Variants in SELENON observed in about 807,000 individuals in gnomAD.
SELENON encodes selenoprotein N, 1.
A neutral mutation model predicts 59.5 loss-of-function variants in SELENON; 44 were observed. The observed-to-expected ratio is 0.74, with a 90% CI of 0.58 to 0.95. The LOEUF is 0.95. Ranked by LOEUF, SELENON falls within the 40% of genes least tolerant of loss-of-function variation. The probability of loss-of-function intolerance (pLI) is 0.00; values close to 1 mark genes in which losing one functional copy is unlikely to be tolerated. For synonymous variants in SELENON, 320 were observed against 305.6 expected, an observed-to-expected ratio of 1.05 and a Z score of -0.49; for missense variants, 674 against 721.4, an observed-to-expected ratio of 0.93 and a Z score of 0.75.
intron 9 of SELENON, among the ~76,000 whole-genome samples, chr1:25,812,254 G>A (rs1344510359): frequency 6.6e-6 from 1 of 152,116 alleles, no homozygotes; most frequent in Non-Finnish European, 1.5e-5. Flanking sequence ...GGCTGAGGCA[G>A]GAGGACTGTT....
intron 4 of SELENON, 104 bp from the exon 4 acceptor site, chr1:25,808,476 G>C: frequency 7.4e-7 from 1 of 1,350,662 alleles, no homozygotes; most frequent in Non-Finnish European, 1.1e-6. Context: ...TGCTCCCTTG[G>C]TGTGGGCTGG....
Position 25,807,163 on chromosome 1 carries a change from G to A in SELENON, c.538-1417G>A, listed in dbSNP as rs1289657808. On this transcript the variant is annotated intron_variant, in intron 4 of 12. Coordinates refer to ENST00000361547, the MANE Select transcript of SELENON (RefSeq NM_020451.3). This position sits in a 1 kb window ranked among gnomAD's most constrained non-coding sequence, Gnocchi z 4.5. Reference sequence around the variant, plus strand: ...CGGGAGCCCCTTTCTTAACCTCATCGCTGCAGGTTCAGGGAGGGACAGAAA... The same window carrying A: ...CGGGAGCCCCTTTCTTAACCTCATCACTGCAGGTTCAGGGAGGGACAGAAA... Among the ~76,000 whole-genome samples, 2 of 152,060 alleles carry A rather than the reference G, an allele frequency of 1.3e-5. No individual in the cohort carries two copies. The highest frequency in any genetic ancestry group is 2.1e-4 in the South Asian group (1 of 4,828).
intron 9 of SELENON, 78 bp from the exon 9 acceptor site, chr1:25,812,601 ACACACTTG>A (rs1442275580): frequency 3.5e-6 from 3 of 847,488 alleles, no homozygotes; most frequent in Non-Finnish European, 3.8e-6. Context: ...ACACACACAC[ACACACTTG>A]CACACACTAC....
intron 3 of SELENON, among the ~76,000 whole-genome samples, chr1:25,803,711 T>TTG (rs1452759759): frequency 7.4e-5 from 11 of 149,354 alleles, no homozygotes. Flanking sequence ...TTTTTTTGTT[T>TTG]TTTTGTTTTT....
chr1:25,810,038 C>T (rs2047945310), intron 7 of SELENON, among the ~76,000 whole-genome samples: 1 of 152,138 alleles, frequency 6.6e-6, no homozygotes, highest in Non-Finnish European at 1.5e-5. Flanking sequence ...GGCCCTCCAC[C>T]TCTGTGCCTG....
chr1:25,800,759 A>G (rs1275340834), intron 1 of SELENON, among the ~76,000 whole-genome samples: 1 of 151,726 alleles, frequency 6.6e-6, no homozygotes, highest in African/African-American at 2.4e-5. Context: ...GAGAGGACAG[A>G]AGGTGCAGGA....
chr1:25,804,541 G>C (rs2047886460), intron 3 of SELENON, among the ~76,000 whole-genome samples: 1 of 151,008 alleles, frequency 6.6e-6, no homozygotes, highest in Admixed American at 6.6e-5. Flanking sequence ...ATACTGGGAA[G>C]GTTATAGACT....
chr1:25,808,959 C>A, intron 5 of SELENON, 67 bp from the exon 5 acceptor site: 6 of 1,610,994 alleles, frequency 3.7e-6, no homozygotes, highest in Non-Finnish European at 5.1e-6. Context: ...CTGGGCTGAC[C>A]CCCACCCCAG....
chr1:25,815,636 C>A lies in SELENON; in HGVS notation c.1691C>A (p.Thr564Asn), dbSNP rs1418349436. 6.2e-7 allele frequency: 1 copy of A among 1,614,080 alleles called. No homozygotes were observed. Among genetic ancestry groups the A allele is most frequent in the Non-Finnish European group, 8.5e-7 (1 of 1,180,036 alleles). The change falls in exon 13 of 13, where the codon ACC becomes AAC. Residue 564 changes from threonine (T) to asparagine (N), a missense_variant. By Grantham distance (65) the Thr-to-Asn change is moderately conservative. Transcript: ENST00000361547. Reference sequence around the variant, plus strand: ...AGCAATCTCTTCAGCTTCTCATCCACCTTTGAAGACCCGTCCACGGCCACC... The same window carrying A: ...AGCAATCTCTTCAGCTTCTCATCCAACTTTGAAGACCCGTCCACGGCCACC...
intron 4 of SELENON, among the ~76,000 whole-genome samples, chr1:25,806,979 A>G (rs930765469): frequency 1.3e-5 from 2 of 151,882 alleles, no homozygotes; most frequent in African/African-American, 2.4e-5. Context: ...CCACCACCAC[A>G]CCCGGCTAAT....
chr1:25,809,587 A>G, intron 6 of SELENON, 96 bp from the exon 6 acceptor site: 1 of 1,571,142 alleles, frequency 6.4e-7, no homozygotes, highest in Non-Finnish European at 8.7e-7. Flanking sequence ...CCACCCCCAC[A>G]CTCAGCCTCC....
chr1:25,805,425 A>G, intron 4 of SELENON, 150 bp downstream of exon 3: 1 of 1,064,812 alleles, frequency 9.4e-7, no homozygotes, highest in Non-Finnish European at 1.4e-6. Flanking sequence ...CCTGCTGTCC[A>G]GGCATACAGC....
chr1:25,809,633 C>T (rs1257892314), intron 6 of SELENON, 50 bp from the exon 6 acceptor site: 2 of 1,609,896 alleles, frequency 1.2e-6, no homozygotes, highest in South Asian at 1.1e-5. Flanking sequence ...TTCCCGGGCT[C>T]CTGGGGAGAA....
chr1:25,809,245 C>T (rs1306577934), intron 6 of SELENON, 95 bp downstream of exon 5: 6 of 1,569,988 alleles, frequency 3.8e-6, no homozygotes, highest in Non-Finnish European at 5.2e-6. Flanking sequence ...CCAGCTCCAC[C>T]TCTCCTCCCA....
chr1:25,804,644 GC>G (rs1242099442), intron 3 of SELENON, among the ~76,000 whole-genome samples: 16,035 of 61,132 alleles, frequency 0.26, 955 homozygotes, highest in South Asian at 0.47. Flanking sequence ...TGCCCCCCCC[GC>G]CCCCCCCCCC....
intron 3 of SELENON, among the ~76,000 whole-genome samples, chr1:25,804,531 A>G (rs990964245): frequency 6.6e-6 from 1 of 150,662 alleles, no homozygotes; most frequent in African/African-American, 2.4e-5. Flanking sequence ...GAATCCTTCT[A>G]TACTGGGAAG....
intron 4 of SELENON, 144 bp from the exon 4 acceptor site, chr1:25,808,436 A>T (rs1431218932): frequency 1.1e-6 from 1 of 891,932 alleles, no homozygotes; most frequent in African/African-American, 1.7e-5. Flanking sequence ...TGTGGCCATC[A>T]TAAGGGCAGG....
intron 12 of SELENON, among the ~76,000 whole-genome samples, 192 bp from the exon 12 acceptor site, chr1:25,815,356 C>T (rs577078029): frequency 9.2e-5 from 14 of 152,234 alleles, no homozygotes; most frequent in South Asian, 4.1e-4. Flanking sequence ...GGAGCCCCCT[C>T]GTCAGACACA....
Position 25,809,734 on chromosome 1 carries a change from C to G in SELENON, c.924C>G (p.Phe308Leu). 2 of 1,614,130 alleles carry G rather than the reference C, an allele frequency of 1.2e-6. No homozygotes were observed. The highest frequency in any genetic ancestry group is 1.7e-6 in the Non-Finnish European group (2 of 1,180,024). The change falls in exon 7 of 13, where the codon TTC becomes TTG. Residue 308 changes from phenylalanine to leucine, a missense_variant. Transcript: ENST00000361547. ...AGCCGCCCGACTTCCCCTTTTGGTT[C>G]TCCCCTGCTCAGTTCACCGGCCACA...
Sources: allele counts gnomAD v4.1 joint callset (sites outside exome capture counted in the v4.1 genomes callset), GRCh38; gene constraint gnomAD v4.1.1; non-coding constraint Gnocchi (gnomAD v3.1); transcripts MANE v1.5; gene names NCBI Gene and HGNC (gene_info 2026-07-23, HGNC 2026-07-21).